Variants in RPS6KA2 observed in about 807,000 individuals in gnomAD.
RPS6KA2 encodes the protein ribosomal protein S6 kinase A2.
A neutral mutation model predicts 91.8 loss-of-function variants in RPS6KA2; 42 were observed. That is an observed-to-expected ratio of 0.46 (90% CI 0.36 to 0.59). RPS6KA2 has a LOEUF of 0.59. Among genes scored for constraint, RPS6KA2 ranks in the 20% least tolerant of loss-of-function variants. RPS6KA2 has a pLI of 0.00. For synonymous variants in RPS6KA2, 414 were observed against 393.6 expected (o/e 1.05, Z -0.61); for missense variants, 798 against 978.5 (o/e 0.82, Z 2.46).
In RPS6KA2 at chr6:166,821,204, C is replaced by T. The variant is rs763917996; in HGVS notation, c.123+36996G>A. Among the ~76,000 whole-genome samples, 139 of 152,104 alleles carry T rather than the reference C, an allele frequency of 9.1e-4. No homozygotes were observed. Among genetic ancestry groups the T allele is most frequent in the African/African-American group, 3.2e-3 (134 of 41,400 alleles). ...ATCTAGCAAATTTGAAGTGTTATTT[C>T]GAATTGCTTAGTGGCTTTATTTTTA... On this transcript the variant is annotated intron_variant, in intron 2 of 21. Coordinates refer to the RPS6KA2 transcript ENST00000503859. The surrounding 1 kb of genome is among the most constrained non-coding windows in gnomAD (Gnocchi z 4.1).
intron 2 of RPS6KA2, among the ~76,000 whole-genome samples, chr6:166,658,542 G>A (rs35537854): frequency 0.04 from 6,046 of 152,182 alleles, 184 homozygotes; most frequent in Non-Finnish European, 0.061. Flanking sequence ...TCAAAACCAC[G>A]CACTGAAAAC....
chr6:166,456,375 G>C (rs1271257270), intron 12 of RPS6KA2, among the ~76,000 whole-genome samples: 1 of 152,122 alleles, frequency 6.6e-6, no homozygotes, highest in Non-Finnish European at 1.5e-5. Flanking sequence ...TTTAAGAAGA[G>C]CAAAATTGTG....
intron 10 of RPS6KA2, among the ~76,000 whole-genome samples, chr6:166,470,833 T>C (rs1176858321): frequency 6.6e-6 from 1 of 152,230 alleles, no homozygotes; most frequent in Non-Finnish European, 1.5e-5. Flanking sequence ...AACTTAAAAC[T>C]GTTCTGAACA....
At chr6:166,669,411 T>C (rs1240621652) in intron 2 of RPS6KA2, among the ~76,000 whole-genome samples, 1 of 152,188 alleles carries the variant, frequency 6.6e-6, no homozygotes, top group Admixed American at 6.5e-5. Context: ...GACAGCTATG[T>C]AGTCAACACA....
chr6:166,741,957 G>A (rs1464826852), intron 2 of RPS6KA2, among the ~76,000 whole-genome samples: 2 of 152,062 alleles, frequency 1.3e-5, no homozygotes, highest in Non-Finnish European at 1.5e-5. Flanking sequence ...TGAAACCCCC[G>A]TCTCTACTAA....
intron 2 of RPS6KA2, among the ~76,000 whole-genome samples, chr6:166,704,081 G>C: frequency 6.6e-6 from 1 of 152,276 alleles, no homozygotes; most frequent in Admixed American, 6.5e-5. Context: ...ACTTGACTTC[G>C]TATAACAGAG....
chr6:166,569,644 G>A (rs1326116609), intron 1 of RPS6KA2, among the ~76,000 whole-genome samples: 4 of 152,178 alleles, frequency 2.6e-5, no homozygotes, highest in Non-Finnish European at 5.9e-5. Flanking sequence ...GGGCCACATC[G>A]TAGGCTGCTG....
In RPS6KA2 at chr6:166,423,228, C is replaced by G. The variant is rs562765261; in HGVS notation, c.1743+28G>C. 40 of 1,587,572 alleles carry G rather than the reference C, an allele frequency of 2.5e-5. No individual in the cohort carries two copies. The highest frequency in any genetic ancestry group is 1.0e-4 in the South Asian group (9 of 89,010). ...GAGCCTGTCTTTGCGGATAGAGAGG[C>G]CTGGGTCTGCAGTCGGGGAATGCTC... On this transcript the variant is annotated intron_variant, in intron 17 of 20. Transcript: ENST00000265678. This position sits in a 1 kb window ranked among gnomAD's most constrained non-coding sequence, Gnocchi z 4.8.
At chr6:166,715,321 T>C (rs191820069) in intron 2 of RPS6KA2, among the ~76,000 whole-genome samples, 90 of 152,300 alleles carry the variant, frequency 5.9e-4, no homozygotes, top group Non-Finnish European at 1.1e-3. Flanking sequence ...GCCTTCTCCC[T>C]GCATGGGGCA....
At chr6:166,736,034 G>C (rs1440059697) in intron 2 of RPS6KA2, among the ~76,000 whole-genome samples, 2 of 152,246 alleles carry the variant, frequency 1.3e-5, no homozygotes, top group Non-Finnish European at 2.9e-5. Context: ...TTCTGGAACA[G>C]TCAGACCCCT....
intron 2 of RPS6KA2, among the ~76,000 whole-genome samples, chr6:166,758,224 T>C (rs1031032106): frequency 4.6e-5 from 7 of 152,212 alleles, no homozygotes; most frequent in African/African-American, 1.7e-4. Context: ...GGTCAGTGAA[T>C]GCACACCAAG....
At chr6:166,507,367 A>AACAC (rs3837033) in intron 5 of RPS6KA2, among the ~76,000 whole-genome samples, 808 of 80,354 alleles carry the variant, frequency 0.01, 6 homozygotes, top group African/African-American at 0.023. Context: ...CAGCACACCC[A>AACAC]ACACACACAC....
chr6:166,764,492 A>G (rs1406652593), intron 2 of RPS6KA2, among the ~76,000 whole-genome samples: 1 of 152,106 alleles, frequency 6.6e-6, no homozygotes, highest in East Asian at 1.9e-4. Context: ...ATGAAGCTGA[A>G]GGAGTGAAAT....
intron 2 of RPS6KA2, among the ~76,000 whole-genome samples, chr6:166,779,506 C>A (rs1383799531): frequency 6.6e-6 from 1 of 152,096 alleles, no homozygotes; most frequent in Non-Finnish European, 1.5e-5. Context: ...TGCTTGTGAC[C>A]CCAACCCTTG....
At chr6:166,542,816 C>T (rs1783704672) in intron 1 of RPS6KA2, among the ~76,000 whole-genome samples, 1 of 151,990 alleles carries the variant, frequency 6.6e-6, no homozygotes, top group African/African-American at 2.4e-5. Flanking sequence ...ATCACCTGCT[C>T]TTCATGTCAT....
chr6:166,514,548 G>A (rs372347581), intron 3 of RPS6KA2, among the ~76,000 whole-genome samples: 1 of 152,210 alleles, frequency 6.6e-6, no homozygotes, highest in Non-Finnish European at 1.5e-5. Context: ...GTGGGCTGGC[G>A]CACAGAGCTG....
rs1583096991 is a variant in RPS6KA2, at chr6:166,412,729, T to C, written c.*33A>G. The C allele has an allele frequency of 1.3e-6, 2 of 1,562,238 alleles. No individual in the cohort carries two copies. Among genetic ancestry groups the C allele is most frequent in the East Asian group, 2.3e-5 (1 of 43,374 alleles). On this transcript the variant is annotated 3_prime_UTR_variant, in exon 21 of 21. Transcript: ENST00000265678. The surrounding 1 kb of genome is among the most constrained non-coding windows in gnomAD (Gnocchi z 4.3). ...GGGGTCTGTGAGCCCACGAGGATGC[T>C]GGCAGGGGACGCTGGGGCCAGGGTC... is the stretch of plus-strand genomic sequence containing the variant.
At chr6:166,762,023 G>A (rs1778185869) in intron 2 of RPS6KA2, among the ~76,000 whole-genome samples, 1 of 152,222 alleles carries the variant, frequency 6.6e-6, no homozygotes, top group African/African-American at 2.4e-5. Context: ...TCATGGAAAA[G>A]AAGCCTTGCA....
chr6:166,766,893 C>G (rs1222919870), intron 2 of RPS6KA2, among the ~76,000 whole-genome samples: 1 of 152,250 alleles, frequency 6.6e-6, no homozygotes, highest in African/African-American at 2.4e-5. Context: ...TCCCTTGGCA[C>G]CCTACTCGCC....
Sources: allele counts gnomAD v4.1 joint callset (sites outside exome capture counted in the v4.1 genomes callset), GRCh38; gene constraint gnomAD v4.1.1; non-coding constraint Gnocchi (gnomAD v3.1); transcripts MANE v1.5; gene names NCBI Gene and HGNC (gene_info 2026-07-23, HGNC 2026-07-21).